CNTNAP3: variants seen among roughly 807,000 people sequenced by gnomAD.
The protein encoded by CNTNAP3 is contactin associated protein family member 3.
A neutral mutation model predicts 92.1 loss-of-function variants in CNTNAP3; 36 were observed. The ratio of observed to expected loss-of-function variants is 0.39; its 90% CI spans 0.30 to 0.52. The LOEUF (loss-of-function observed/expected upper bound fraction) is 0.52, where lower values mean the gene tolerates loss of function less well. Ranked by LOEUF, CNTNAP3 falls within the 20% of genes least tolerant of loss-of-function variation. CNTNAP3 has a pLI of 0.76. For synonymous variants in CNTNAP3, 232 were observed against 422.3 expected, an observed-to-expected ratio of 0.55 and a Z score of 5.53; for missense variants, 534 against 1,069.6, an observed-to-expected ratio of 0.50 and a Z score of 6.98.
intron 23 of CNTNAP3, among the ~76,000 whole-genome samples, chr9:39,074,776 C>A (rs1017665185): frequency 6.6e-6 from 1 of 151,986 alleles, no homozygotes; most frequent in Admixed American, 6.5e-5. Flanking sequence ...ATACACTTTT[C>A]TTTTTTTTCT....
rs1487588804 is a variant in CNTNAP3 at position 39,080,596 on chromosome 9, T to C, written c.3443-1676A>G. On this transcript the variant is annotated intron_variant, in intron 21 of 23. Transcript: ENST00000297668. ...AGAGTATTTTTATCTTTTGACATGA[T>C]ACAAGATGGTTTTACATTAAATAAT... Among the ~76,000 whole-genome samples the C allele has an allele frequency of 2.2e-5, 3 of 137,014 alleles. 1 individual carries two copies. The highest frequency in any genetic ancestry group is 4.7e-5 in the Non-Finnish European group (3 of 63,298). The allele number at this position is 137,014 out of a possible 152,430, so 89.9% of individuals were successfully genotyped here. A position where few individuals can be genotyped will look rare whatever the true frequency, so the allele number is the denominator to read the frequency against.
Position 39,072,940 on chromosome 9 carries a change from C to T in CNTNAP3, c.*950G>A, listed in dbSNP as rs1195393026. 2.0e-5 allele frequency: 3 copies of T among 152,704 alleles called. No individual in the cohort carries two copies. The highest frequency in any genetic ancestry group is 6.5e-5 in the Admixed American group (1 of 15,270). 9.5% of individuals were successfully genotyped at this position (152,704 alleles called of 1,614,324 possible). ...AAGTAAGTTAGGATGATGTTTCATT[C>T]ACGTCTTAATGATATAAATAAAGGA... On this transcript the variant is annotated 3_prime_UTR_variant, in exon 24 of 24. Coordinates refer to ENST00000297668, the MANE Select transcript of CNTNAP3 (RefSeq NM_033655.5).
At chr9:39,114,053 C>CAT (rs1425866512) in intron 14 of CNTNAP3, among the ~76,000 whole-genome samples, 3 of 147,840 alleles carry the variant, frequency 2.0e-5, no homozygotes, top group African/African-American at 7.8e-5. Flanking sequence ...CACACACACA[C>CAT]ACATATATAT....
At chr9:39,161,930 A>G (rs1292280058) in intron 9 of CNTNAP3, among the ~76,000 whole-genome samples, 2 of 125,588 alleles carry the variant, frequency 1.6e-5, no homozygotes, top group East Asian at 4.3e-4. Flanking sequence ...TTTTGGACAC[A>G]GGACATGGCA....
chr9:39,119,043 T>C (rs1415518107), intron 13 of CNTNAP3, among the ~76,000 whole-genome samples: 1 of 151,900 alleles, frequency 6.6e-6, no homozygotes, highest in Non-Finnish European at 1.5e-5. Context: ...ACAGTAAAGT[T>C]AGGATAATTT....
chr9:39,135,957 A>C (rs552604976), intron 12 of CNTNAP3, among the ~76,000 whole-genome samples: 2 of 151,816 alleles, frequency 1.3e-5, no homozygotes, highest in South Asian at 4.2e-4. Flanking sequence ...GTAAAACCCT[A>C]TCTCTACTAA....
rs1295837413 is a variant in CNTNAP3 at position 39,234,326 on chromosome 9, C to T, written c.390+4667G>A. Among the ~76,000 whole-genome samples the T allele has an allele frequency of 1.6e-3, 38 of 23,272 alleles. 16 individuals are homozygous for T. The highest frequency in any genetic ancestry group is 3.0e-3 in the African/African-American group (38 of 12,748). The allele number at this position is 23,272 out of a possible 152,430, so 15.3% of individuals were successfully genotyped here. On this transcript the variant is annotated intron_variant, in intron 3 of 23. Coordinates refer to ENST00000297668, the MANE Select transcript of CNTNAP3 (RefSeq NM_033655.5). ...AGAATGTTATGGTATAATCTCTCAGCATGATTCCAGGACATGGTTAGGTGG... is the reference window on the plus strand; with the variant it reads ...AGAATGTTATGGTATAATCTCTCAGTATGATTCCAGGACATGGTTAGGTGG...
At chr9:39,093,870 T>C (rs1427978265) in intron 18 of CNTNAP3, among the ~76,000 whole-genome samples, 1 of 151,240 alleles carries the variant, frequency 6.6e-6, no homozygotes, top group Non-Finnish European at 1.5e-5. Context: ...GTTTTGGTTA[T>C]ATATGTAGAA....
Position 39,066,252 on chromosome 9 carries a change from C to T in CNTNAP3, c.*7638G>A, listed in dbSNP as rs1484702462. ...TACGACTTTACACACAGTCTAAGAA[C>T]CTTACAAACTAAACTATATTTCCAT... is the stretch of plus-strand genomic sequence containing the variant. On this transcript the variant is annotated 3_prime_UTR_variant, in exon 24 of 24. Transcript: ENST00000297668. Among the ~76,000 whole-genome samples, 1 of 152,198 alleles carries T rather than the reference C, an allele frequency of 6.6e-6. No individual in the cohort carries two copies. Among genetic ancestry groups the T allele is most frequent in the East Asian group, 1.9e-4 (1 of 5,208 alleles).
At chr9:39,259,300 A>C in intron 2 of CNTNAP3, among the ~76,000 whole-genome samples, 1 of 14,984 alleles carries the variant, frequency 6.7e-5, no homozygotes, top group South Asian at 0.015. Context: ...CACATTGGAA[A>C]ACATTATTCT....
chr9:39,159,386 T>A (rs1363110355), intron 9 of CNTNAP3: 2 of 135,474 alleles, frequency 1.5e-5, no homozygotes, highest in African/African-American at 2.7e-5. Flanking sequence ...TATATATTTT[T>A]AAAAAACATT....
intron 16 of CNTNAP3, among the ~76,000 whole-genome samples, chr9:39,103,528 G>A (rs1826519226): frequency 6.6e-6 from 1 of 151,614 alleles, no homozygotes; most frequent in Non-Finnish European, 1.5e-5. Flanking sequence ...GTTGCAGTGA[G>A]CCAAGATAAT....
intron 14 of CNTNAP3, among the ~76,000 whole-genome samples, chr9:39,109,589 C>T (rs1245460755): frequency 1.3e-5 from 2 of 152,014 alleles, no homozygotes; most frequent in Non-Finnish European, 2.9e-5. Flanking sequence ...GGCTGGGTTG[C>T]AATAAAAATT....
chr9:39,137,298 C>A (rs1158689171), intron 12 of CNTNAP3, among the ~76,000 whole-genome samples: 1 of 151,800 alleles, frequency 6.6e-6, no homozygotes, highest in Non-Finnish European at 1.5e-5. Flanking sequence ...ATAAGCCCAT[C>A]AAAGGCATTC....
At chr9:39,115,777 G>A (rs1347588960) in intron 14 of CNTNAP3, among the ~76,000 whole-genome samples, 2 of 152,000 alleles carry the variant, frequency 1.3e-5, no homozygotes, top group African/African-American at 2.4e-5. Context: ...GGGTATCAGA[G>A]GACCTGCACC....
chr9:39,094,382 T>C (rs1826281396), intron 18 of CNTNAP3, among the ~76,000 whole-genome samples: 1 of 151,674 alleles, frequency 6.6e-6, no homozygotes, highest in Non-Finnish European at 1.5e-5. Flanking sequence ...AAATAATCTA[T>C]TTTTATTGTT....
At chr9:39,122,087 G>A (rs1352046338) in intron 13 of CNTNAP3, among the ~76,000 whole-genome samples, 2 of 152,182 alleles carry the variant, frequency 1.3e-5, no homozygotes, top group African/African-American at 4.8e-5. Context: ...GGGCGCGGTG[G>A]CTCACGCCTG....
At chr9:39,076,070 C>T (rs1209095895) in intron 23 of CNTNAP3, among the ~76,000 whole-genome samples, 2 of 152,298 alleles carry the variant, frequency 1.3e-5, no homozygotes, top group African/African-American at 2.4e-5. Context: ...CTTTTCATCC[C>T]CTCGTTCAGG....
intron 18 of CNTNAP3, among the ~76,000 whole-genome samples, chr9:39,094,261 C>A (rs1013602217): frequency 1.7e-4 from 25 of 151,380 alleles, no homozygotes; most frequent in Non-Finnish European, 3.1e-4. Flanking sequence ...AGATAGTAAA[C>A]CTCCATCAGA....
Sources: allele counts gnomAD v4.1 joint callset (sites outside exome capture counted in the v4.1 genomes callset), GRCh38; gene constraint gnomAD v4.1.1; transcripts MANE v1.5; gene names NCBI Gene and HGNC (gene_info 2026-07-23, HGNC 2026-07-21).